Variants in CEACAM18 observed in about 807,000 individuals in gnomAD.
CEACAM18 encodes the protein cell adhesion molecule CEACAM18.
In CEACAM18, 33 loss-of-function variants were observed where a neutral mutation model predicts 34.3. That is an observed-to-expected ratio of 0.96 (90% confidence interval 0.73 to 1.29). CEACAM18 has a LOEUF of 1.29. Among genes scored for constraint, CEACAM18 ranks in the 50% most tolerant of loss-of-function variants. CEACAM18 has a pLI of 0.00. For synonymous variants in CEACAM18, 169 were observed against 180.9 expected, an observed-to-expected ratio of 0.93 and a Z score of 0.53; for missense variants, 474 against 485.0, an observed-to-expected ratio of 0.98 and a Z score of 0.21.
At position 51,480,449 on chromosome 19, in the gene CEACAM18, C is replaced by T. The variant is rs1424622849; in HGVS notation, c.169C>T (p.Gln57Ter). The change falls in exon 2 of 6, where the codon CAG (glutamine) becomes TAG (stop). Residue 57 changes from glutamine (Q) to a stop codon, truncating the protein, a stop_gained. Coordinates refer to ENST00000396477, the Ensembl canonical transcript of CEACAM18. LOFTEE classifies it high-confidence loss of function. ...CCTGGATAAGGTCCCTGAGGATGTTCAGGAATACAGCTGGTACTGGGGTGC... is the reference window on the plus strand; with the variant it reads ...CCTGGATAAGGTCCCTGAGGATGTTTAGGAATACAGCTGGTACTGGGGTGC... 1 of 1,613,572 alleles carries T rather than the reference C, an allele frequency of 6.2e-7. No homozygotes were observed. Among genetic ancestry groups the T allele is most frequent in the Non-Finnish European group, 8.5e-7 (1 of 1,179,700 alleles).
At chr19:51,489,219 T>G (rs1990049988) in intron 5 of CEACAM18, among the ~76,000 whole-genome samples, 1 of 149,988 alleles carries the variant, frequency 6.7e-6, no homozygotes, top group African/African-American at 2.4e-5. Flanking sequence ...CCTCAGTGAC[T>G]CATTCATTTG....
intron 5 of CEACAM18, among the ~76,000 whole-genome samples, chr19:51,486,474 A>G (rs78252439): frequency 0.076 from 11,480 of 152,030 alleles, 519 homozygotes; most frequent in African/African-American, 0.12. Context: ...GGATTTTCCA[A>G]GGTCAGGGAC....
chr19:51,485,823 T>C (rs1028210840), intron 5 of CEACAM18, among the ~76,000 whole-genome samples: 3 of 152,112 alleles, frequency 2.0e-5, no homozygotes, highest in African/African-American at 7.2e-5. Flanking sequence ...TTGTGGGACA[T>C]TTAGCCGCAT....
intron 5 of CEACAM18, 77 bp downstream of exon 5, chr19:51,485,199 G>T: frequency 7.3e-7 from 1 of 1,375,762 alleles, no homozygotes. Context: ...CCCTCCAGAG[G>T]GGAAGCAGAG....
At chr19:51,480,599 T>G (rs1568523211) in exon 2 of CEACAM18, 2 of 1,613,916 alleles carry the variant, frequency 1.2e-6, no homozygotes. Flanking sequence ...GCCGACTGCA[T>G]TAAATGACAC....
chr19:51,488,639 G>C (rs1309833096), intron 5 of CEACAM18, among the ~76,000 whole-genome samples: 1 of 152,200 alleles, frequency 6.6e-6, no homozygotes, highest in Non-Finnish European at 1.5e-5. Context: ...AGCTGAGAAG[G>C]GGTGGGCCCC....
intron 3 of CEACAM18, 115 bp downstream of exon 3, chr19:51,481,780 C>G: frequency 9.3e-6 from 10 of 1,078,444 alleles, no homozygotes; most frequent in Non-Finnish European, 1.3e-5. Context: ...GGCCAGCCTG[C>G]AGCCAGCTCA....
chr19:51,478,577 G>A (rs1989849609), upstream of CEACAM18: 1 of 1,410,608 alleles, frequency 7.1e-7, no homozygotes, highest in Non-Finnish European at 9.9e-7. Flanking sequence ...ACAGGTCTTG[G>A]AGGGAGCAGA....
At position 51,481,679 on chromosome 19, in the gene CEACAM18, G is replaced by T. The variant is rs775449603; in HGVS notation, c.673+14G>T. ...TGACTGTGGCCTGTGAGTGGTCTGG[G>T]CTCCTGGGACTGAAGCCAGGGCTGG... On this transcript the variant is annotated intron_variant, in intron 3 of 5. Coordinates refer to ENST00000396477, the Ensembl canonical transcript of CEACAM18. 8.1e-6 allele frequency: 13 copies of T among 1,604,802 alleles called. No homozygotes were observed. In the African/African-American group the frequency reaches 1.6e-4, roughly 20 times the overall value.
chr19:51,481,420 T>A (rs752477393), exon 3 of CEACAM18: 45 of 1,613,846 alleles, frequency 2.8e-5, no homozygotes, highest in Admixed American at 8.3e-5. Context: ...GGCATCTCCG[T>A]CAATGCCAGC....
chr19:51,480,107 G>C (rs952532604), intron 1 of CEACAM18, among the ~76,000 whole-genome samples: 1 of 152,168 alleles, frequency 6.6e-6, no homozygotes, highest in Admixed American at 6.5e-5. Flanking sequence ...TGTGTGGCTA[G>C]CGAGGAGGGC....
chr19:51,488,742 G>A (rs1990042755), intron 5 of CEACAM18, among the ~76,000 whole-genome samples: 1 of 152,196 alleles, frequency 6.6e-6, no homozygotes, highest in Admixed American at 6.5e-5. Context: ...AGAGTTTGGA[G>A]TGGGGCAGGG....
chr19:51,489,241 G>A lies in CEACAM18; in HGVS notation c.1090-1346G>A, dbSNP rs187416997. Reference sequence around the variant, plus strand: ...GACTCATTCATTTGTCTCTCATTCAGTTTCTCGGTCCCCCCACATTTCACC... The same window carrying A: ...GACTCATTCATTTGTCTCTCATTCAATTTCTCGGTCCCCCCACATTTCACC... On this transcript the variant is annotated intron_variant, in intron 5 of 5. Transcript: ENST00000396477. Among the ~76,000 whole-genome samples, 346 of 150,794 alleles carry A rather than the reference G, an allele frequency of 2.3e-3. 3 individuals carry two copies. Among genetic ancestry groups the A allele is most frequent in the African/African-American group, 8.1e-3 (331 of 41,092 alleles).
At chr19:51,483,705 T>A (rs1476695708) in intron 4 of CEACAM18, among the ~76,000 whole-genome samples, 1 of 152,022 alleles carries the variant, frequency 6.6e-6, no homozygotes, top group Non-Finnish European at 1.5e-5. Flanking sequence ...ATGGAAGAGG[T>A]GGCATTCAAG....
intron 4 of CEACAM18, among the ~76,000 whole-genome samples, chr19:51,483,939 G>C (rs1372783212): frequency 6.6e-6 from 1 of 152,160 alleles, no homozygotes. Context: ...TGTGCTCAGG[G>C]AGACTGCAGA....
intron 1 of CEACAM18, among the ~76,000 whole-genome samples, chr19:51,479,146 G>A (rs929954223): frequency 6.6e-6 from 1 of 151,464 alleles, no homozygotes; most frequent in African/African-American, 2.4e-5. Flanking sequence ...CCTTTGCCCA[G>A]GACCTTCTGT....
At chr19:51,481,608 A>T in exon 3 of CEACAM18, 3 of 1,613,988 alleles carry the variant, frequency 1.9e-6, no homozygotes, top group Non-Finnish European at 2.5e-6. Context: ...TCAGTGCATG[A>T]TAGAGAGTTT....
chr19:51,480,760 G>C (rs572085998), intron 2 of CEACAM18, 80 bp downstream of exon 2: 1 of 1,275,954 alleles, frequency 7.8e-7, no homozygotes. Flanking sequence ...ATTATACAGA[G>C]CATGACACCG....
chr19:51,478,823 C>G, intron 1 of CEACAM18, 129 bp downstream of exon 1: 2 of 617,152 alleles, frequency 3.2e-6, no homozygotes, highest in Non-Finnish European at 5.0e-6. Flanking sequence ...GAGCAGGGGT[C>G]GGGGAGAGGA....
Sources: gnomAD v4.1 joint callset for allele counts (sites outside exome capture counted in the v4.1 genomes callset) on GRCh38, gnomAD v4.1.1 for gene constraint, MANE v1.5 for transcripts, NCBI Gene and HGNC (gene_info 2026-07-23, HGNC 2026-07-21) for gene names.